The following SMYD3 variants were observed in gnomAD, a reference collection of about 807,000 sequenced individuals.
SMYD3 encodes the protein SET and MYND domain containing 3, also known as histone-lysine N-methyltransferase SMYD3.
In SMYD3, 36 loss-of-function variants were observed where a neutral mutation model predicts 57.7. That is an observed-to-expected ratio of 0.62 (90% confidence interval 0.48 to 0.82). The LOEUF is 0.82. SMYD3 is among the 40% of genes least tolerant of loss of function. The pLI is 0.00. For missense variants in SMYD3, 515 were observed against 538.8 expected, an observed-to-expected ratio of 0.96 and a Z score of 0.44; for synonymous variants, 211 against 195.0, an observed-to-expected ratio of 1.08 and a Z score of -0.68.
intron 1 of SMYD3, among the ~76,000 whole-genome samples, chr1:246,398,388 C>A (rs952286926): frequency 6.6e-6 from 1 of 152,252 alleles, no homozygotes; most frequent in Non-Finnish European, 1.5e-5. Context: ...CGCCTGTGAG[C>A]TTAGAAGGCG....
chr1:245,809,427 G>T (rs918696986), intron 10 of SMYD3, among the ~76,000 whole-genome samples: 2 of 152,154 alleles, frequency 1.3e-5, no homozygotes, highest in African/African-American at 4.8e-5. Context: ...GAGAAAGCAG[G>T]AGAGGCGCTT....
chr1:246,444,030 G>A (rs775092517), intron 1 of SMYD3, among the ~76,000 whole-genome samples: 1 of 152,106 alleles, frequency 6.6e-6, no homozygotes, highest in Non-Finnish European at 1.5e-5. Context: ...AAGGTATGGA[G>A]TCCTGCCATG....
intron 5 of SMYD3, among the ~76,000 whole-genome samples, chr1:246,093,011 A>T (rs1284544265): frequency 6.6e-6 from 1 of 152,118 alleles, no homozygotes; most frequent in Non-Finnish European, 1.5e-5. Flanking sequence ...ATATGAAAAA[A>T]TTCTCAACAT....
At chr1:245,809,884 C>G (rs1468333640) in intron 10 of SMYD3, among the ~76,000 whole-genome samples, 2 of 152,206 alleles carry the variant, frequency 1.3e-5, no homozygotes, top group Non-Finnish European at 2.9e-5. Context: ...TGTACTGAGT[C>G]TTCATCATAG....
chr1:245,906,847 G>C (rs1276716820), intron 8 of SMYD3, among the ~76,000 whole-genome samples: 3 of 152,226 alleles, frequency 2.0e-5, no homozygotes, highest in Non-Finnish European at 4.4e-5. Flanking sequence ...TAACAACATG[G>C]ATGGAAATGA....
At position 245,798,399 on chromosome 1, in the gene SMYD3, C is replaced by CACACCACACATACACACACACAT. The variant is rs2047659749; in HGVS notation, c.1077-34251_1077-34250insATGTGTGTGTGTATGTGTGGTGT. Among the ~76,000 whole-genome samples the CACACCACACATACACACACACAT allele has an allele frequency of 3.6e-5, 3 of 84,404 alleles. 1 individual carries two copies. The highest frequency in any genetic ancestry group is 3.1e-4 in the African/African-American group (3 of 9,726). The allele number at this position is 84,404 out of a possible 152,430, so 55.4% of individuals were successfully genotyped here. A position where few individuals can be genotyped will look rare whatever the true frequency, so the allele number is the denominator to read the frequency against. On this transcript the variant is annotated intron_variant, in intron 10 of 11. Transcript: ENST00000490107. ...GTCAACACACACACGCGCACACACA[C>CACACCACACATACACACACACAT]ACACACATACACACACATACACACC...
At chr1:245,795,468 T>A (rs1001569663) in intron 10 of SMYD3, among the ~76,000 whole-genome samples, 2 of 152,222 alleles carry the variant, frequency 1.3e-5, no homozygotes, top group African/African-American at 4.8e-5. Context: ...CCATTTTGCC[T>A]CCTTTATCCG....
intron 5 of SMYD3, among the ~76,000 whole-genome samples, chr1:245,980,366 C>T (rs1291105044): frequency 6.6e-6 from 1 of 152,174 alleles, no homozygotes; most frequent in African/African-American, 2.4e-5. Flanking sequence ...TGTGAGATCC[C>T]TGAGGGCAGG....
At chr1:245,793,500 C>T (rs2047391477) in intron 10 of SMYD3, among the ~76,000 whole-genome samples, 1 of 152,078 alleles carries the variant, frequency 6.6e-6, no homozygotes, top group Admixed American at 6.6e-5. Context: ...TCTCAAATCT[C>T]CACCTGTCAC....
chr1:246,003,343 G>C (rs750744925), intron 5 of SMYD3, among the ~76,000 whole-genome samples: 17 of 152,336 alleles, frequency 1.1e-4, no homozygotes, highest in Non-Finnish European at 1.8e-4. Context: ...TGGTGGAGCG[G>C]TGGGACTTAT....
intron 5 of SMYD3, among the ~76,000 whole-genome samples, chr1:246,167,144 C>T (rs182114130): frequency 6.7e-4 from 102 of 152,284 alleles, no homozygotes; most frequent in Middle Eastern, 3.4e-3. Flanking sequence ...GAATGATACT[C>T]GATTGTATGG....
At chr1:246,232,908 C>T (rs2063438090) in intron 5 of SMYD3, among the ~76,000 whole-genome samples, 1 of 117,240 alleles carries the variant, frequency 8.5e-6, no homozygotes. Context: ...AGAAGCACTC[C>T]TCAATTCACA....
In SMYD3 at chr1:245,934,209, G is replaced by A. The variant is rs2056877181; in HGVS notation, c.532-4272C>T. 2.6e-5 allele frequency among the ~76,000 whole-genome samples: 4 copies of A among 152,198 alleles called. No individual in the cohort carries two copies. The South Asian group carries it at 8.3e-4, about 32-fold the overall frequency. ...ACTAAATATGAGTTTTCAAAACGGA[G>A]TTTAATGTACTTAGTTTTATTAAAC... On this transcript the variant is annotated intron_variant, in intron 5 of 11. Coordinates refer to ENST00000490107, the MANE Select transcript of SMYD3 (RefSeq NM_001167740.2).
chr1:246,233,631 C>T (rs200752318), intron 5 of SMYD3, among the ~76,000 whole-genome samples: 2 of 107,528 alleles, frequency 1.9e-5, no homozygotes, highest in Admixed American at 1.0e-4. Flanking sequence ...AGAGGAGAAG[C>T]ACTCCTCAAT....
At chr1:245,908,186 A>C (rs958087597) in intron 8 of SMYD3, among the ~76,000 whole-genome samples, 1 of 152,204 alleles carries the variant, frequency 6.6e-6, no homozygotes, top group Admixed American at 6.5e-5. Flanking sequence ...AACAGAAGCC[A>C]AAGCTGAGCA....
intron 5 of SMYD3, among the ~76,000 whole-genome samples, chr1:246,068,188 A>C (rs6659142): frequency 0.062 from 9,434 of 151,870 alleles, 1,007 homozygotes; most frequent in African/African-American, 0.22. Context: ...AGAAGTGTTT[A>C]GTGTGAAAAA....
rs560683846 is a variant in SMYD3 at position 245,899,619 on chromosome 1, A to G, written c.813+15911T>C. Among the ~76,000 whole-genome samples, 29 of 152,350 alleles carry G rather than the reference A, an allele frequency of 1.9e-4. No homozygotes were observed. The South Asian group carries it at 4.3e-3, about 23-fold the overall frequency. On this transcript the variant is annotated intron_variant, in intron 8 of 11. Transcript: ENST00000490107. Reference sequence around the variant, plus strand: ...TCATGACACCATTAGACCCATCTCAATATTTTAATGGTCAATGTTATATGT... The same window carrying G: ...TCATGACACCATTAGACCCATCTCAGTATTTTAATGGTCAATGTTATATGT...
intron 2 of SMYD3, among the ~76,000 whole-genome samples, chr1:246,336,882 G>A (rs889751175): frequency 7.9e-5 from 12 of 152,120 alleles, no homozygotes; most frequent in Non-Finnish European, 1.5e-4. Flanking sequence ...TGCCTTACAA[G>A]CAAGGCAAAA....
At chr1:246,099,285 G>A (rs977079221) in intron 5 of SMYD3, among the ~76,000 whole-genome samples, 1 of 152,074 alleles carries the variant, frequency 6.6e-6, no homozygotes, top group Non-Finnish European at 1.5e-5. Context: ...AGCAAAATTT[G>A]ACCATTCTAT....
Sources: gnomAD v4.1 joint callset for allele counts (sites outside exome capture counted in the v4.1 genomes callset) on GRCh38, gnomAD v4.1.1 for gene constraint, MANE v1.5 for transcripts, NCBI Gene and HGNC (gene_info 2026-07-23, HGNC 2026-07-21) for gene names.